Variants in HERC4 observed in about 807,000 individuals in gnomAD.
HERC4 encodes probable E3 ubiquitin-protein ligase HERC4.
Under a neutral mutation model 124.3 loss-of-function variants are expected in HERC4, and 28 were observed. The ratio of observed to expected loss-of-function variants is 0.23; its 90% CI spans 0.17 to 0.31. The LOEUF (loss-of-function observed/expected upper bound fraction) is 0.31, where lower values mean the gene tolerates loss of function less well. Ranked by LOEUF, HERC4 falls within the 10% of genes least tolerant of loss-of-function variation. The pLI, the probability that HERC4 is intolerant of heterozygous loss-of-function variation, is 1.00. For synonymous variants in HERC4, 407 were observed against 421.5 expected (o/e 0.97, Z 0.42); for missense variants, 713 against 1,229.3 (o/e 0.58, Z 6.28).
intron 19 of HERC4, among the ~76,000 whole-genome samples, chr10:67,944,594 C>T (rs546159264): frequency 1.3e-5 from 2 of 152,316 alleles, no homozygotes; most frequent in East Asian, 3.9e-4. Context: ...AACATGACCT[C>T]ACCAAACGAA....
intron 22 of HERC4, among the ~76,000 whole-genome samples, chr10:67,935,366 C>CGTT (rs1033060891): frequency 6.6e-6 from 1 of 152,200 alleles, no homozygotes; most frequent in East Asian, 1.9e-4. Flanking sequence ...AGGATGGTCT[C>CGTT]GTTGTCGTGA....
chr10:68,071,372 A>G (rs913182994), intron 3 of HERC4, among the ~76,000 whole-genome samples: 1 of 152,252 alleles, frequency 6.6e-6, no homozygotes, highest in African/African-American at 2.4e-5. Context: ...AAACCTCAGT[A>G]GACCTAAGTA....
intron 3 of HERC4, among the ~76,000 whole-genome samples, chr10:68,062,621 G>A (rs1460092789): frequency 1.3e-5 from 2 of 151,868 alleles, no homozygotes; most frequent in Non-Finnish European, 2.9e-5. Flanking sequence ...TTAGCCGGGT[G>A]TGGTGGTGGG....
intron 3 of HERC4, among the ~76,000 whole-genome samples, chr10:68,058,896 TGA>T (rs2040686576): frequency 6.6e-6 from 1 of 152,170 alleles, no homozygotes; most frequent in Non-Finnish European, 1.5e-5. Flanking sequence ...AGGTATGCAG[TGA>T]GAGTCTACTA....
intron 9 of HERC4, chr10:68,010,597 G>C: frequency 7.9e-7 from 1 of 1,272,374 alleles, no homozygotes; most frequent in Non-Finnish European, 1.1e-6. Flanking sequence ...TTTCAGGCCT[G>C]CACGAGGGTT....
intron 19 of HERC4, among the ~76,000 whole-genome samples, chr10:67,952,933 G>A (rs1403988308): frequency 6.6e-6 from 1 of 151,208 alleles, no homozygotes; most frequent in Non-Finnish European, 1.5e-5. Flanking sequence ...CACCTAAATT[G>A]CACAAATAAT....
chr10:67,968,017 T>C (rs996319392), intron 15 of HERC4, among the ~76,000 whole-genome samples: 17 of 151,992 alleles, frequency 1.1e-4, no homozygotes, highest in African/African-American at 4.1e-4. Context: ...CACTAACAAT[T>C]ATAAACTCTA....
chr10:68,070,799 C>T (rs1399647935), intron 3 of HERC4, among the ~76,000 whole-genome samples: 4 of 109,594 alleles, frequency 3.6e-5, no homozygotes, highest in African/African-American at 5.8e-5. Context: ...AGGATCAGGA[C>T]CCCCCCCTTC....
At chr10:67,956,701 C>CT (rs924757521) in intron 17 of HERC4, 177 bp downstream of exon 17, 3 of 391,464 alleles carry the variant, frequency 7.7e-6, no homozygotes, top group Non-Finnish European at 1.4e-5. Context: ...TCACTGCAAC[C>CT]TTTTTTTATA....
intron 8 of HERC4, among the ~76,000 whole-genome samples, chr10:68,019,154 G>A (rs1050332375): frequency 1.3e-5 from 2 of 151,758 alleles, no homozygotes; most frequent in Admixed American, 6.6e-5. Flanking sequence ...GTGCCACCAC[G>A]CCCGACTAAT....
chr10:67,927,409 TATATATATATATATA>T lies in HERC4; in HGVS notation c.2839-2237_2839-2223del, dbSNP rs1236147591. Among the ~76,000 whole-genome samples the T allele has an allele frequency of 5.4e-3, 56 of 10,388 alleles. 4 individuals carry two copies. The highest frequency in any genetic ancestry group is 0.013 in the African/African-American group (51 of 3,878). The allele number at this position is 10,388 out of a possible 152,430, so 6.8% of individuals were successfully genotyped here. ...ATATATATATATATATATATATATATATATATATATATATATATATATTTTTTTTTTTTTTTAGAT... is the reference window on the plus strand; with the variant it reads ...ATATATATATATATATATATATATATTATATATTTTTTTTTTTTTTTAGAT... On this transcript the variant is annotated intron_variant, in intron 23 of 24. Coordinates refer to ENST00000373700, the MANE Select transcript of HERC4 (RefSeq NM_015601.4).
intron 15 of HERC4, among the ~76,000 whole-genome samples, chr10:67,980,289 A>G (rs2035852475): frequency 8.6e-5 from 13 of 152,008 alleles, no homozygotes. Context: ...ATGCGCCACC[A>G]TGCCTGGCTA....
Position 68,044,424 on chromosome 10 carries a change from C to A in HERC4, c.366G>T (p.Glu122Asp). Residue 122 changes from glutamate to aspartate, a missense_variant, in exon 4 of 25, where the codon GAG becomes GAT. Physicochemically the swap from Glu to Asp is conservative, Grantham distance 45. Transcript: ENST00000373700. ...SDGQLGLVGSEECIRVPRNIK... is the reference protein window; with the variant it reads ...SDGQLGLVGSDECIRVPRNIK... ...GTTACCTGGGTACTCTGATGCATTCCTCTGATCCTACCAGGCCAAGCTGTC... is the reference window on the plus strand; with the variant it reads ...GTTACCTGGGTACTCTGATGCATTCATCTGATCCTACCAGGCCAAGCTGTC... 2 of 1,613,874 alleles carry A rather than the reference C, an allele frequency of 1.2e-6. No individual in the cohort carries two copies. Among genetic ancestry groups the A allele is most frequent in the Non-Finnish European group, 1.7e-6 (2 of 1,179,948 alleles).
chr10:68,049,234 A>T (rs563173266), intron 3 of HERC4, among the ~76,000 whole-genome samples: 3 of 152,232 alleles, frequency 2.0e-5, no homozygotes, highest in African/African-American at 7.2e-5. Context: ...TTATGAAAAG[A>T]TCCCCAGGAT....
intron 9 of HERC4, among the ~76,000 whole-genome samples, chr10:68,011,139 T>C (rs1271782638): frequency 1.3e-5 from 2 of 152,202 alleles, no homozygotes; most frequent in African/African-American, 2.4e-5. Context: ...CATAGCTCAC[T>C]GTAAACCTTC....
intron 7 of HERC4, among the ~76,000 whole-genome samples, chr10:68,026,316 G>A (rs2038898121): frequency 6.6e-6 from 1 of 151,904 alleles, no homozygotes; most frequent in Non-Finnish European, 1.5e-5. Flanking sequence ...GGCTGGTCTC[G>A]AACTCCTGGG....
chr10:67,940,933 A>G lies in HERC4; in HGVS notation c.2504+6T>C. 6.2e-7 allele frequency: 1 copy of G among 1,605,840 alleles called. No homozygotes were observed. The highest frequency in any genetic ancestry group is 8.5e-7 in the Non-Finnish European group (1 of 1,177,692). On this transcript the variant is annotated splice_donor_region_variant and intron_variant, in intron 20 of 24. Transcript: ENST00000373700. Reference sequence around the variant, plus strand: ...TACTACTTTTTGACTTTTTTTTCCAACTAACCTCCCAACATCAGGCATTAG... The same window carrying G: ...TACTACTTTTTGACTTTTTTTTCCAGCTAACCTCCCAACATCAGGCATTAG...
At chr10:67,986,133 T>C (rs1358320456) in intron 15 of HERC4, among the ~76,000 whole-genome samples, 3 of 152,172 alleles carry the variant, frequency 2.0e-5, no homozygotes, top group Admixed American at 6.5e-5. Context: ...CTCTAAGGCA[T>C]AGAAGAAAGA....
intron 16 of HERC4, 168 bp downstream of exon 16, chr10:67,966,515 A>G: frequency 1.8e-6 from 1 of 542,848 alleles, no homozygotes; most frequent in Non-Finnish European, 3.1e-6. Context: ...TTTGCATATA[A>G]ATATTGTAAA....
Sources: allele counts gnomAD v4.1 joint callset (sites outside exome capture counted in the v4.1 genomes callset), GRCh38; gene constraint gnomAD v4.1.1; transcripts MANE v1.5; gene names NCBI Gene and HGNC (gene_info 2026-07-23, HGNC 2026-07-21).